The following CADM1 variants were observed in gnomAD, a reference collection of about 807,000 sequenced individuals.
CADM1 encodes the protein TSLC-1.
Under a neutral mutation model 53.1 loss-of-function variants are expected in CADM1, and 15 were observed. The observed-to-expected ratio is 0.28, with a 90% CI of 0.19 to 0.44. The LOEUF is 0.44. CADM1 is among the 20% of genes least tolerant of loss of function. The pLI is 1.00. For synonymous variants in CADM1, 281 were observed against 243.0 expected (o/e 1.16, Z -1.45); for missense variants, 434 against 611.3 (o/e 0.71, Z 3.06).
intron 1 of CADM1, among the ~76,000 whole-genome samples, chr11:115,422,062 T>G (rs941422743): frequency 6.6e-6 from 1 of 152,134 alleles, no homozygotes; most frequent in Admixed American, 6.5e-5. Context: ...AGAAAATAAA[T>G]TAAAGGACAT....
chr11:115,498,446 T>C (rs1591308477), intron 1 of CADM1, among the ~76,000 whole-genome samples: 1 of 152,358 alleles, frequency 6.6e-6, no homozygotes, highest in East Asian at 1.9e-4. Context: ...AGTCCTCACA[T>C]GGACGGTAAT....
At chr11:115,340,658 A>ATATATATATATATTTTTTT (rs60532835) in intron 1 of CADM1, among the ~76,000 whole-genome samples, 4 of 34,936 alleles carry the variant, frequency 1.1e-4, no homozygotes, top group African/African-American at 5.6e-4. Flanking sequence ...ATATATATAT[A>ATATATATATATATTTTTTT]TTTTTTTTTT....
At chr11:115,216,971 T>A (rs953051411) in intron 6 of CADM1, among the ~76,000 whole-genome samples, 1 of 152,178 alleles carries the variant, frequency 6.6e-6, no homozygotes, top group Admixed American at 6.5e-5. Context: ...AAAATCATAC[T>A]ACGGGGACAG....
intron 6 of CADM1, among the ~76,000 whole-genome samples, chr11:115,216,569 A>T (rs1941195065): frequency 1.3e-5 from 2 of 152,216 alleles, no homozygotes; most frequent in South Asian, 4.1e-4. Context: ...AATCTTTGGC[A>T]GTGCTCAAAC....
chr11:115,174,609 A>C lies in CADM1; in HGVS notation c.*1865T>G. The stretch of plus-strand genomic sequence containing the variant: ...TAAAATAAAGACAAGAAAAATAAAC[A>C]TGTTTTCAAATAACAAAGAGTTGAC... On this transcript the variant is annotated 3_prime_UTR_variant, in exon 12 of 12. Transcript: ENST00000331581. The C allele has an allele frequency of 1.0e-6, 1 of 984,542 alleles. No individual in the cohort carries two copies. The highest frequency in any genetic ancestry group is 1.2e-6 in the Non-Finnish European group (1 of 828,752). The allele number at this position is 984,542 out of a possible 1,614,324, so 61.0% of individuals were successfully genotyped here.
chr11:115,195,822 C>T (rs1940117734), intron 9 of CADM1, among the ~76,000 whole-genome samples: 1 of 152,196 alleles, frequency 6.6e-6, no homozygotes, highest in African/African-American at 2.4e-5. Context: ...ATTACAGCTT[C>T]TTTGCTGTGG....
intron 1 of CADM1, among the ~76,000 whole-genome samples, chr11:115,432,001 G>A (rs1948066072): frequency 6.6e-6 from 1 of 151,864 alleles, no homozygotes; most frequent in African/African-American, 2.4e-5. Context: ...CAGGAGGGCA[G>A]TGGCGTGATC....
In CADM1 at chr11:115,190,892, G is replaced by C. The variant is rs1215911541; in HGVS notation, c.1161C>G (p.Leu387=). Residue 387 remains leucine, a synonymous_variant, in exon 10 of 12, where the codon CTC becomes CTG. Transcript: ENST00000331581. Reference sequence around the variant, plus strand: ...TACCTAATGACTAGCCCTTACCTGAGAGGTCCTCACTGTCCAGTTCTTCTG... The same window carrying C: ...TACCTAATGACTAGCCCTTACCTGACAGGTCCTCACTGTCCAGTTCTTCTG... The part of the protein sequence containing the change: ...NSAEELDSED[L]SDSRAGEEGS... 1.3e-6 allele frequency: 2 copies of C among 1,594,752 alleles called. No homozygotes were observed. The highest frequency in any genetic ancestry group is 1.3e-5 in the African/African-American group (1 of 74,858).
intron 1 of CADM1, among the ~76,000 whole-genome samples, chr11:115,375,711 T>C (rs1946420499): frequency 6.6e-6 from 1 of 152,072 alleles, no homozygotes; most frequent in Non-Finnish European, 1.5e-5. Flanking sequence ...CATAGACCCA[T>C]GACAGAATCA....
intron 1 of CADM1, among the ~76,000 whole-genome samples, chr11:115,411,623 A>T (rs1041318919): frequency 6.6e-6 from 1 of 152,060 alleles, no homozygotes; most frequent in Non-Finnish European, 1.5e-5. Context: ...AAAAAGTACA[A>T]TTCTTTGTGG....
At chr11:115,273,638 T>A (rs576849090) in intron 1 of CADM1, among the ~76,000 whole-genome samples, 1 of 149,956 alleles carries the variant, frequency 6.7e-6, no homozygotes, top group Admixed American at 6.6e-5. Context: ...TCATCGTGTT[T>A]AAAAAAAAAA....
At chr11:115,445,501 GT>G (rs1235211772) in intron 1 of CADM1, among the ~76,000 whole-genome samples, 2 of 117,960 alleles carry the variant, frequency 1.7e-5, no homozygotes, top group Non-Finnish European at 4.3e-5. Context: ...TGCAATCATT[GT>G]TTAAAAAAAA....
chr11:115,198,859 A>G (rs1009604035), intron 8 of CADM1, among the ~76,000 whole-genome samples: 1 of 152,194 alleles, frequency 6.6e-6, no homozygotes, highest in African/African-American at 2.4e-5. Context: ...ACATTCAAAC[A>G]TTGCCTTTGT....
chr11:115,180,868 A>G (rs907947064), intron 10 of CADM1, among the ~76,000 whole-genome samples: 3 of 152,208 alleles, frequency 2.0e-5, no homozygotes, highest in Admixed American at 2.0e-4. Flanking sequence ...GAATTAACTC[A>G]TCTCCAATGG....
chr11:115,273,669 T>C (rs538212550), intron 1 of CADM1, among the ~76,000 whole-genome samples: 1 of 152,258 alleles, frequency 6.6e-6, no homozygotes, highest in Non-Finnish European at 1.5e-5. Context: ...GGGGTTTAGA[T>C]TGTCATTTTA....
chr11:115,408,076 A>C (rs1947364071), intron 1 of CADM1, among the ~76,000 whole-genome samples: 1 of 152,008 alleles, frequency 6.6e-6, no homozygotes, highest in Non-Finnish European at 1.5e-5. Context: ...GACAAGTTTC[A>C]AGTTTCAGCC....
At chr11:115,291,733 G>A (rs747973236) in intron 1 of CADM1, among the ~76,000 whole-genome samples, 1 of 151,926 alleles carries the variant, frequency 6.6e-6, no homozygotes, top group African/African-American at 2.4e-5. Flanking sequence ...CCCTCACTTG[G>A]GCCTGCAAGA....
intron 1 of CADM1, among the ~76,000 whole-genome samples, chr11:115,466,487 AC>A (rs2135383055): frequency 6.6e-6 from 1 of 152,310 alleles, no homozygotes; most frequent in African/African-American, 2.4e-5. Context: ...CATTAATACA[AC>A]CCAACTACTT....
intron 1 of CADM1, among the ~76,000 whole-genome samples, chr11:115,498,750 C>T (rs560705064): frequency 6.6e-6 from 1 of 152,134 alleles, no homozygotes; most frequent in Non-Finnish European, 1.5e-5. Flanking sequence ...GGCAAAAATT[C>T]GGTACATCCA....
Sources: allele counts gnomAD v4.1 joint callset (sites outside exome capture counted in the v4.1 genomes callset), GRCh38; gene constraint gnomAD v4.1.1; transcripts MANE v1.5; gene names NCBI Gene and HGNC (gene_info 2026-07-23, HGNC 2026-07-21).